The following KRT6A variants were observed in gnomAD, a reference collection of about 807,000 sequenced individuals.
The protein encoded by KRT6A is keratin 6A.
Under a neutral mutation model 48.6 loss-of-function variants are expected in KRT6A, and 28 were observed. The ratio of observed to expected loss-of-function variants is 0.58; its 90% CI spans 0.43 to 0.79. The LOEUF (loss-of-function observed/expected upper bound fraction) is 0.79, where lower values mean the gene tolerates loss of function less well. Among genes scored for constraint, KRT6A ranks in the 30% least tolerant of loss-of-function variants. KRT6A has a pLI of 0.00. For missense variants in KRT6A, 687 were observed against 724.3 expected (o/e 0.95, Z 0.59); for synonymous variants, 301 against 294.2 (o/e 1.02, Z -0.24).
intron 6 of KRT6A, 106 bp from the exon 7 acceptor site, chr12:52,488,654 G>A (rs981176532): frequency 7.9e-6 from 11 of 1,390,192 alleles, no homozygotes; most frequent in African/African-American, 2.9e-5. Context: ...AGAATTGATG[G>A]TGAATGAGCT....
At chr12:52,489,737 C>A (rs979691045) in intron 6 of KRT6A, among the ~76,000 whole-genome samples, 1 of 152,158 alleles carries the variant, frequency 6.6e-6, no homozygotes, top group Non-Finnish European at 1.5e-5. Flanking sequence ...CTCTGAGCAT[C>A]GTGACTGGTT....
intron 7 of KRT6A, 81 bp from the exon 8 acceptor site, chr12:52,488,184 G>T (rs560641385): frequency 6.2e-7 from 1 of 1,613,634 alleles, no homozygotes; most frequent in African/African-American, 1.3e-5. Flanking sequence ...TCGGTGGGTG[G>T]AAGAGTCCAT....
At position 52,487,283 on chromosome 12, in the gene KRT6A, A is replaced by C; in HGVS notation, c.*437T>G. ...CATAGGACTAGTCACTTGTGCTTTC[A>C]TGGATACTGCCTGGGTGGGGGTTCA... On this transcript the variant is annotated 3_prime_UTR_variant, in exon 9 of 9. Transcript: ENST00000330722. 1.2e-5 allele frequency: 3 copies of C among 256,602 alleles called. No homozygotes were observed. In the South Asian group the frequency reaches 1.6e-4, roughly 14 times the overall value. The allele number at this position is 256,602 out of a possible 1,614,324, so 15.9% of individuals were successfully genotyped here.
chr12:52,489,880 G>T (rs1297860385), intron 6 of KRT6A, 63 bp downstream of exon 6: 2 of 1,613,314 alleles, frequency 1.2e-6, no homozygotes, highest in African/African-American at 2.7e-5. Context: ...TAATATAATG[G>T]TTGATGGCTG....
chr12:52,491,219 G>A, intron 2 of KRT6A, 47 bp from the exon 3 acceptor site: 1 of 1,612,630 alleles, frequency 6.2e-7, no homozygotes, highest in African/African-American at 1.3e-5. Context: ...TGGGTAGGAT[G>A]AAACAGAAAA....
Position 52,487,692 on chromosome 12 carries a change from T to G in KRT6A, c.*28A>C. 6.2e-7 allele frequency: 1 copy of G among 1,614,062 alleles called. No individual in the cohort carries two copies. Among genetic ancestry groups the G allele is most frequent in the Non-Finnish European group, 8.5e-7 (1 of 1,179,968 alleles). On this transcript the variant is annotated 3_prime_UTR_variant, in exon 9 of 9. Coordinates refer to ENST00000330722, the MANE Select transcript of KRT6A (RefSeq NM_005554.4). ...TGCAGCCAGAGAGGGGCCTGAGGAC[T>G]GTGGGACCGAGAGCTAGCAGACGCA...
At position 52,490,463 on chromosome 12, in the gene KRT6A, G is replaced by A. The variant is rs972903889; in HGVS notation, c.1077+106C>T. The A allele has an allele frequency of 1.7e-5, 27 of 1,562,096 alleles. No homozygotes were observed. The African/African-American group carries it at 3.7e-4, about 21-fold the overall frequency. On this transcript the variant is annotated intron_variant, in intron 5 of 8. Transcript: ENST00000330722. The stretch of plus-strand genomic sequence containing the variant: ...ATAGTGCAGAGTGCATGTCCTGTGA[G>A]AGGACCCCAGCTTCCTGTCAGGGGA...
Position 52,488,126 on chromosome 12 carries a change from G to A in KRT6A, c.1425-23C>T, listed in dbSNP as rs139246747. ...AGCCTGTGGAGAGGAACACAGGGAG[G>A]GTGAGACCTCAGAGAGCTCTTCCTT... On this transcript the variant is annotated intron_variant, in intron 7 of 8. Transcript: ENST00000330722. 100,088 of 1,613,908 alleles carry A rather than the reference G, an allele frequency of 0.062. 3,419 individuals are homozygous for A. Among genetic ancestry groups the A allele is most frequent in the Middle Eastern group, 0.13 (781 of 6,056 alleles).
At position 52,493,107 on chromosome 12, in the gene KRT6A, C is replaced by A. The variant is rs771263689; in HGVS notation, c.82G>T (p.Val28Phe). 6.2e-7 allele frequency: 1 copy of A among 1,613,984 alleles called. No individual in the cohort carries two copies. Among genetic ancestry groups the A allele is most frequent in the Non-Finnish European group, 8.5e-7 (1 of 1,180,046 alleles). Reference protein sequence around the residue: ...FSANSARLPGVSRSGFSSVSV... With the variant: ...FSANSARLPGFSRSGFSSVSV... ...ACGCTGCTGAAGCCAGAGCGGCTGA[C>A]CCCAGGGAGCCTGGCTGAGTTGGCA... The change falls in exon 1 of 9, where the codon GTC becomes TTC. Residue 28 changes from valine (V) to phenylalanine (F), a missense_variant. By Grantham distance (50) the Val-to-Phe change is conservative. Coordinates refer to ENST00000330722, the MANE Select transcript of KRT6A (RefSeq NM_005554.4).
In KRT6A at chr12:52,492,874, T is replaced by G; in HGVS notation, c.315A>C (p.Gly105=). The G allele has an allele frequency of 1.2e-6, 2 of 1,601,536 alleles. No homozygotes were observed. Among genetic ancestry groups the G allele is most frequent in the Non-Finnish European group, 1.7e-6 (2 of 1,175,126 alleles). Residue 105 remains glycine, a synonymous_variant, in exon 1 of 9, where the codon GGA becomes GGC. Coordinates refer to ENST00000330722, the MANE Select transcript of KRT6A (RefSeq NM_005554.4). ...CACCCAGACCAAAGCCAATGCCGGC[T>G]CCACCACCGAAACCAAATCCACTCC... is the stretch of plus-strand genomic sequence containing the variant. The part of the protein sequence containing the change: ...GAGSGFGFGG[G]AGIGFGLGGG...
Position 52,487,903 on chromosome 12 carries a change from G to T in KRT6A, c.1512C>A (p.Gly504=). The T allele has an allele frequency of 1.2e-6, 2 of 1,614,076 alleles. No homozygotes were observed. Among genetic ancestry groups the T allele is most frequent in the East Asian group, 2.2e-5 (1 of 44,876 alleles). Residue 504 remains glycine (G), a synonymous_variant, in exon 9 of 9, where the codon GGC becomes GGA. Coordinates refer to ENST00000330722, the MANE Select transcript of KRT6A (RefSeq NM_005554.4). ...TTCCTCCACCCAGGCCTAAGCCACT[G>T]CCGACACCACTGGCACCGCCATAGC... is the stretch of plus-strand genomic sequence containing the variant. ...SSGYGGASGV[G]SGLGLGGGSS...
chr12:52,489,310 G>C (rs4761908), intron 6 of KRT6A, among the ~76,000 whole-genome samples: 47,007 of 151,704 alleles, frequency 0.31, 8,006 homozygotes, highest in African/African-American at 0.45. Flanking sequence ...ACAGAGTTTT[G>C]CTCTGTCACC....
At chr12:52,491,871 A>G (rs1938272968) in intron 1 of KRT6A, 135 bp from the exon 2 acceptor site, 1 of 1,179,178 alleles carries the variant, frequency 8.5e-7, no homozygotes. Context: ...GCTCAGGCTG[A>G]GCTCTGCTCC....
intron 6 of KRT6A, 50 bp downstream of exon 6, chr12:52,489,893 T>C (rs1189947027): frequency 1.9e-6 from 3 of 1,613,880 alleles, no homozygotes; most frequent in Non-Finnish European, 2.5e-6. Context: ...GATGGCTGCC[T>C]GACGACCTGA....
chr12:52,488,767 GA>G (rs1458022940), intron 6 of KRT6A, among the ~76,000 whole-genome samples: 1 of 152,148 alleles, frequency 6.6e-6, no homozygotes, highest in African/African-American at 2.4e-5. Flanking sequence ...CACTCTGTGG[GA>G]GAATGTGGAT....
At position 52,490,539 on chromosome 12, in the gene KRT6A, T is replaced by A. The variant is rs199940153; in HGVS notation, c.1077+30A>T. 179 of 1,614,190 alleles carry A rather than the reference T, an allele frequency of 1.1e-4. No individual in the cohort carries two copies. In the African/African-American group the frequency reaches 2.1e-3, roughly 19 times the overall value. ...CTGGTATTCAGGGATGGCACAGGGA[T>A]TCCTCAGCGGCTGCCCACTCCCTGC... On this transcript the variant is annotated intron_variant, in intron 5 of 8. Transcript: ENST00000330722.
At chr12:52,491,374 T>C in intron 2 of KRT6A, 148 bp downstream of exon 2, 1 of 1,342,814 alleles carries the variant, frequency 7.4e-7, no homozygotes, top group African/African-American at 1.4e-5. Flanking sequence ...CTGTGGTTCT[T>C]GCAGGTTTGC....
At chr12:52,491,863 T>C in intron 1 of KRT6A, 127 bp from the exon 2 acceptor site, 1 of 1,265,574 alleles carries the variant, frequency 7.9e-7, no homozygotes, top group Non-Finnish European at 1.1e-6. Context: ...GTAGAGAGGC[T>C]CAGGCTGAGC....
chr12:52,489,930 T>C lies in KRT6A; in HGVS notation c.1203+13A>G, dbSNP rs56654203. 6,687 of 1,612,000 alleles carry C rather than the reference T, an allele frequency of 4.1e-3. 262 individuals carry two copies. The African/African-American group carries it at 0.08, about 19-fold the overall frequency. On this transcript the variant is annotated intron_variant, in intron 6 of 8. Transcript: ENST00000330722. ...AAGGAAATGCTTCTCTCCTCCATTG[T>C]CCCTCACCATACCTGCTTCTTGACG...
Sources: gnomAD v4.1 joint callset for allele counts (sites outside exome capture counted in the v4.1 genomes callset) on GRCh38, gnomAD v4.1.1 for gene constraint, MANE v1.5 for transcripts, NCBI Gene and HGNC (gene_info 2026-07-23, HGNC 2026-07-21) for gene names.